ANO1: variants seen among roughly 807,000 people sequenced by gnomAD.
The protein encoded by ANO1 is anoctamin-1.
ANO1 carries 59 observed loss-of-function variants against 124.0 expected under a neutral mutation model. That is an observed-to-expected ratio of 0.48 (90% CI 0.39 to 0.59). ANO1 has a LOEUF of 0.59. Among genes scored for constraint, ANO1 ranks in the 20% least tolerant of loss-of-function variants. The pLI is 0.00. For missense variants in ANO1, 1,059 were observed against 1,328.0 expected, an observed-to-expected ratio of 0.80 and a Z score of 3.15; for synonymous variants, 529 against 532.0, an observed-to-expected ratio of 0.99 and a Z score of 0.08.
At position 70,167,521 on chromosome 11, in the gene ANO1, C is replaced by T. The variant is rs866807962; in HGVS notation, c.2197+134C>T. 21 of 1,293,482 alleles carry T rather than the reference C, an allele frequency of 1.6e-5. No homozygotes were observed. In the African/African-American group the frequency reaches 2.1e-4, roughly 13 times the overall value. The allele number at this position is 1,293,482 out of a possible 1,614,324, so 80.1% of individuals were successfully genotyped here. On this transcript the variant is annotated intron_variant, in intron 21 of 25. Coordinates refer to ENST00000355303, the MANE Select transcript of ANO1 (RefSeq NM_018043.7). ...CCAGCGTCCCTCCATAAGCATCAGG[C>T]AGGGAGAAGAGAGATGCAGACCCTG...
At chr11:70,173,474 G>A (rs535998928) in intron 22 of ANO1, among the ~76,000 whole-genome samples, 49 of 152,288 alleles carry the variant, frequency 3.2e-4, no homozygotes, top group African/African-American at 1.1e-3. Flanking sequence ...CCAACCCTCC[G>A]AAGACCCTGC....
intron 1 of ANO1, among the ~76,000 whole-genome samples, chr11:69,999,922 G>A (rs1856349524): frequency 6.6e-6 from 1 of 152,114 alleles, no homozygotes; most frequent in African/African-American, 2.4e-5. Context: ...GGTTTCCCTA[G>A]CACTGGGAAA....
chr11:70,004,186 G>A (rs945443039), intron 1 of ANO1, among the ~76,000 whole-genome samples: 7 of 152,218 alleles, frequency 4.6e-5, no homozygotes, highest in African/African-American at 7.2e-5. Context: ...CAAGGGCAGC[G>A]CTGTGTTCCC....
chr11:70,130,929 A>G (rs1321970431), intron 10 of ANO1, among the ~76,000 whole-genome samples: 1 of 152,228 alleles, frequency 6.6e-6, no homozygotes, highest in Non-Finnish European at 1.5e-5. Context: ...GCCACGTCCA[A>G]GGCAGCCGCC....
chr11:70,059,314 G>A (rs1201026303), intron 1 of ANO1, among the ~76,000 whole-genome samples: 2 of 131,844 alleles, frequency 1.5e-5, no homozygotes, highest in Non-Finnish European at 3.1e-5. Flanking sequence ...TCATACCACT[G>A]CACTCTAGCC....
At chr11:69,999,059 AAAAG>A (rs1306831817) in intron 1 of ANO1, among the ~76,000 whole-genome samples, 22 of 152,184 alleles carry the variant, frequency 1.4e-4, no homozygotes, top group African/African-American at 4.1e-4. Context: ...AGATTTTTTA[AAAAG>A]AAAGAAAGAA....
intron 22 of ANO1, among the ~76,000 whole-genome samples, chr11:70,177,042 C>T (rs1271998387): frequency 2.0e-5 from 3 of 152,306 alleles, no homozygotes; most frequent in African/African-American, 4.8e-5. Context: ...GGCCCGGAAG[C>T]GAGGAAGACC....
At chr11:70,134,447 C>G (rs1338788504) in intron 11 of ANO1, among the ~76,000 whole-genome samples, 1 of 152,210 alleles carries the variant, frequency 6.6e-6, no homozygotes, top group Non-Finnish European at 1.5e-5. Context: ...CCTCACTGCT[C>G]TAAACCTCAG....
Position 70,104,021 on chromosome 11 carries a change from G to C in ANO1, c.563G>C (p.Arg188Pro). Residue 188 changes from arginine to proline, a missense_variant, in exon 4 of 26, where the codon CGT becomes CCT. Physicochemically the swap from Arg to Pro is moderately radical, Grantham distance 103. Transcript: ENST00000355303. ...TKKMYHINETRGLLKKINSVL... is the reference protein window; with the variant it reads ...TKKMYHINETPGLLKKINSVL... ...CAGATGTACCACATTAATGAGACCC[G>C]TGGCCTCCTGAAAAAAATCAACTCT... 1 of 1,612,008 alleles carries C rather than the reference G, an allele frequency of 6.2e-7. No homozygotes were observed. The highest frequency in any genetic ancestry group is 8.5e-7 in the Non-Finnish European group (1 of 1,179,200).
rs371704608 is a variant in ANO1, at chr11:70,187,989, C to T, written c.2946C>T (p.His982=). ...GCCCAGCCCCCAGCCATGCCTACCA[C>T]GGGGGCGTCCTGTAGCTATGCCAGC... ...LGSPAPSHAY[H]GGVL is the part of the protein sequence containing the mutation. The change falls in exon 26 of 26, where the codon CAC becomes CAT. Residue 982 remains histidine, a synonymous_variant. Transcript: ENST00000355303. The T allele has an allele frequency of 2.8e-5, 44 of 1,564,128 alleles. No homozygotes were observed. The highest frequency in any genetic ancestry group is 7.7e-5 in the Admixed American group (4 of 52,276).
intron 1 of ANO1, among the ~76,000 whole-genome samples, chr11:70,059,476 A>G (rs1279025366): frequency 2.0e-5 from 3 of 152,158 alleles, no homozygotes; most frequent in African/African-American, 7.2e-5. Context: ...CTAGTGGGAA[A>G]GGCCTTGACC....
At chr11:70,120,581 C>A (rs2046220164) in intron 8 of ANO1, among the ~76,000 whole-genome samples, 1 of 152,168 alleles carries the variant, frequency 6.6e-6, no homozygotes, top group Non-Finnish European at 1.5e-5. Flanking sequence ...TCCATTCATC[C>A]ATTCATTCAA....
At chr11:70,041,289 G>C (rs1018573440) in intron 1 of ANO1, among the ~76,000 whole-genome samples, 23 of 152,308 alleles carry the variant, frequency 1.5e-4, no homozygotes, top group African/African-American at 5.3e-4. Context: ...TGTGAACCTT[G>C]ACCCCTGGAT....
intron 1 of ANO1, among the ~76,000 whole-genome samples, chr11:69,992,389 C>T (rs74705386): frequency 0.022 from 3,361 of 152,272 alleles, 116 homozygotes; most frequent in African/African-American, 0.077. Flanking sequence ...CCCTTTAATA[C>T]TCACGTTAAG....
chr11:70,048,173 T>C (rs1555005895), intron 1 of ANO1, among the ~76,000 whole-genome samples: 1 of 152,262 alleles, frequency 6.6e-6, no homozygotes, highest in African/African-American at 2.4e-5. Flanking sequence ...TTATTTCAAC[T>C]GTTTAACTTT....
At chr11:70,152,361 GT>G in intron 12 of ANO1, 88 bp from the exon 13 acceptor site, 1 of 692,626 alleles carries the variant, frequency 1.4e-6, no homozygotes, top group Non-Finnish European at 2.3e-6. Flanking sequence ...AAAAAAAGTT[GT>G]CCTTAGTGGA....
chr11:70,145,763 C>T (rs2047347116), intron 11 of ANO1, among the ~76,000 whole-genome samples: 1 of 151,938 alleles, frequency 6.6e-6, no homozygotes, highest in Admixed American at 6.6e-5. Context: ...ACGATGAAAC[C>T]CTGTCTCTAC....
chr11:69,989,703 G>A (rs57331659), intron 1 of ANO1, among the ~76,000 whole-genome samples: 4 of 152,046 alleles, frequency 2.6e-5, no homozygotes, highest in Admixed American at 2.0e-4. Flanking sequence ...CAGAGAAAAG[G>A]CTGATGGGCC....
chr11:70,012,693 A>G (rs576878675), intron 1 of ANO1, among the ~76,000 whole-genome samples: 6 of 148,374 alleles, frequency 4.0e-5, no homozygotes, highest in Non-Finnish European at 9.0e-5. Context: ...CCTTTCCTTC[A>G]TCCATCCATC....
Sources: gnomAD v4.1 joint callset for allele counts (sites outside exome capture counted in the v4.1 genomes callset) on GRCh38, gnomAD v4.1.1 for gene constraint, MANE v1.5 for transcripts, NCBI Gene and HGNC (gene_info 2026-07-23, HGNC 2026-07-21) for gene names.